Variants in NKX6-1 observed in about 807,000 individuals in gnomAD.
NKX6-1 encodes the protein NK6 homeobox 1, also known as homeobox protein Nkx-6.1.
Under a neutral mutation model 24.9 loss-of-function variants are expected in NKX6-1, and 11 were observed. The ratio of observed to expected loss-of-function variants is 0.44; its 90% CI spans 0.28 to 0.73. The LOEUF is 0.73. Ranked by LOEUF, NKX6-1 falls within the 30% of genes least tolerant of loss-of-function variation. The probability of loss-of-function intolerance (pLI) is 0.15; values close to 1 mark genes in which losing one functional copy is unlikely to be tolerated. For missense variants in NKX6-1, 487 were observed against 502.9 expected (o/e 0.97, Z 0.30); for synonymous variants, 277 against 242.9 (o/e 1.14, Z -1.31).
rs1720764676 is a variant in NKX6-1, at chr4:84,493,438, T to C, written c.955A>G (p.Asn319Asp). The C allele has an allele frequency of 2.5e-6, 4 of 1,614,120 alleles. No homozygotes were observed. Among genetic ancestry groups the C allele is most frequent in the Admixed American group, 1.7e-5 (1 of 60,012 alleles). ...ETERLKGASENEEEDDDYNKP... is the reference protein window; with the variant it reads ...ETERLKGASEDEEEDDDYNKP... ...TTGTAGTCGTCGTCCTCTTCCTCGT[T>C]CTCCGAGGCCCCCTTGAGGCGCTCT... The change falls in exon 3 of 3, where the codon AAC becomes GAC. Residue 319 changes from asparagine (N) to aspartate (D), a missense_variant. Around this residue, in one of 3 missense-constraint regions of NKX6-1, gnomAD observed 126 missense variants for 105.5 expected, o/e 1.19. Coordinates refer to ENST00000295886, the MANE Select transcript of NKX6-1 (RefSeq NM_006168.3). This position sits in a 1 kb window ranked among gnomAD's most constrained non-coding sequence, Gnocchi z 5.1.
rs1000630993 is a variant in NKX6-1, at chr4:84,497,311, G to A, written c.670+248C>T. 5.9e-5 allele frequency among the ~76,000 whole-genome samples: 9 copies of A among 152,220 alleles called. 1 individual carries two copies. The highest frequency in any genetic ancestry group is 2.2e-4 in the African/African-American group (9 of 41,530). On this transcript the variant is annotated intron_variant, in intron 1 of 2. Coordinates refer to ENST00000295886, the MANE Select transcript of NKX6-1 (RefSeq NM_006168.3). This position sits in a 1 kb window ranked among gnomAD's most constrained non-coding sequence, Gnocchi z 4.8. ...TGGTCCACACGAACACACACACACC[G>A]GCTCAGCCCAGGCGTACTCAAGACT... is the stretch of plus-strand genomic sequence containing the variant.
chr4:84,497,979 C>A lies in NKX6-1; in HGVS notation c.250G>T (p.Gly84Cys), dbSNP rs778617726. ...PPATGGLSSL[G>C]SPPQQLSAAT... ...GCCGAGAGCTGCTGCGGGGGGCTGCCGAGGGATGAGAGCCCCCCCGTGGCC... is the reference window on the plus strand; with the variant it reads ...GCCGAGAGCTGCTGCGGGGGGCTGCAGAGGGATGAGAGCCCCCCCGTGGCC... Residue 84 changes from glycine to cysteine, a missense_variant, in exon 1 of 3, where the codon GGC becomes TGC. Around this residue, in one of 3 missense-constraint regions of NKX6-1, gnomAD observed 316 missense variants for 311.4 expected, o/e 1.01. Coordinates refer to ENST00000295886, the MANE Select transcript of NKX6-1 (RefSeq NM_006168.3). The surrounding 1 kb of genome is among the most constrained non-coding windows in gnomAD (Gnocchi z 4.8). 1 of 1,294,854 alleles carries A rather than the reference C, an allele frequency of 7.7e-7. No individual in the cohort carries two copies. The allele number at this position is 1,294,854 out of a possible 1,614,324, so 80.2% of individuals were successfully genotyped here.
Position 84,498,233 on chromosome 4 carries a change from C to A in NKX6-1, c.-5G>T. 7.7e-7 allele frequency: 1 copy of A among 1,294,620 alleles called. No individual in the cohort carries two copies. The highest frequency in any genetic ancestry group is 9.8e-7 in the Non-Finnish European group (1 of 1,020,860). 80.2% of individuals were successfully genotyped at this position (1,294,620 alleles called of 1,614,324 possible). ...CATTGCCCCCACCGCTAACATCCCA[C>A]GGCCACGCCGGAGACCGTAGCCTTG... is the stretch of plus-strand genomic sequence containing the variant. On this transcript the variant is annotated 5_prime_UTR_variant, in exon 1 of 3. Transcript: ENST00000295886.
In NKX6-1 at chr4:84,497,330, CAA is replaced by C. The variant is rs1720840268; in HGVS notation, c.670+227_670+228del. ...CACACCGGCTCAGCCCAGGCGTACTCAAGACTTAGAGAGAGGGAGGCGCTTGG... is the reference window on the plus strand; with the variant it reads ...CACACCGGCTCAGCCCAGGCGTACTCGACTTAGAGAGAGGGAGGCGCTTGG... On this transcript the variant is annotated intron_variant, in intron 1 of 2. Transcript: ENST00000295886. The surrounding 1 kb of genome is among the most constrained non-coding windows in gnomAD (Gnocchi z 4.8). Among the ~76,000 whole-genome samples, 1 of 152,170 alleles carries C rather than the reference CAA, an allele frequency of 6.6e-6. No individual in the cohort carries two copies. The highest frequency in any genetic ancestry group is 1.5e-5 in the Non-Finnish European group (1 of 68,032).
rs574758436 is a variant in NKX6-1, at chr4:84,493,637, G to A, written c.844-88C>T. ...GGCCATGCTACCACTCCCGCATCTC[G>A]ATGGCCCTCCCGCGGCCCCCCGAAG... On this transcript the variant is annotated intron_variant, in intron 2 of 2. Coordinates refer to ENST00000295886, the MANE Select transcript of NKX6-1 (RefSeq NM_006168.3). This position sits in a 1 kb window ranked among gnomAD's most constrained non-coding sequence, Gnocchi z 5.1. 14 of 1,504,094 alleles carry A rather than the reference G, an allele frequency of 9.3e-6. No homozygotes were observed. The South Asian group carries it at 1.2e-4, about 13-fold the overall frequency. The allele number at this position is 1,504,094 out of a possible 1,614,324, so 93.2% of individuals were successfully genotyped here. A position where few individuals can be genotyped will look rare whatever the true frequency, so the allele number is the denominator to read the frequency against.
rs1332103927 is a variant in NKX6-1 at position 84,492,768 on chromosome 4, A to C, written c.*521T>G. 2.0e-5 allele frequency: 3 copies of C among 152,426 alleles called. No individual in the cohort carries two copies. Among genetic ancestry groups the C allele is most frequent in the Non-Finnish European group, 2.9e-5 (2 of 68,168 alleles). The allele number at this position is 152,426 out of a possible 1,614,324, so 9.4% of individuals were successfully genotyped here. A position where few individuals can be genotyped will look rare whatever the true frequency, so the allele number is the denominator to read the frequency against. The stretch of plus-strand genomic sequence containing the variant: ...TCAGTGTAACTCACGATTTATTTAC[A>C]AAGAGCCTTCAACAGGTTACTTTAG... On this transcript the variant is annotated 3_prime_UTR_variant, in exon 3 of 3. Coordinates refer to ENST00000295886, the MANE Select transcript of NKX6-1 (RefSeq NM_006168.3).
At chr4:84,495,476 G>A (rs1720798915) in intron 2 of NKX6-1, among the ~76,000 whole-genome samples, 196 bp downstream of exon 2, 2 of 152,098 alleles carry the variant, frequency 1.3e-5, no homozygotes, top group African/African-American at 2.4e-5. Flanking sequence ...GAGTTTGCCC[G>A]CCTGCAAGAC....
rs1720738302 is a variant in NKX6-1, at chr4:84,492,193, CTTCAAA to C, written c.*1090_*1095del. The C allele has an allele frequency of 6.6e-6, 1 of 152,160 alleles. No homozygotes were observed. Among genetic ancestry groups the C allele is most frequent in the African/African-American group, 2.4e-5 (1 of 41,424 alleles). The allele number at this position is 152,160 out of a possible 1,614,324, so 9.4% of individuals were successfully genotyped here. On this transcript the variant is annotated 3_prime_UTR_variant, in exon 3 of 3. Transcript: ENST00000295886. The stretch of plus-strand genomic sequence containing the variant: ...TATAGTATTCTTATGATACAAAACA[CTTCAAA>C]TTCAATTACAGTAACTAAATGAATT...
chr4:84,493,050 T>G lies in NKX6-1; in HGVS notation c.*239A>C. 82 of 310,782 alleles carry G rather than the reference T, an allele frequency of 2.6e-4. No homozygotes were observed. Among genetic ancestry groups the G allele is most frequent in the East Asian group, 4.9e-4 (9 of 18,514 alleles). 19.3% of individuals were successfully genotyped at this position (310,782 alleles called of 1,614,324 possible). ...TCAGTAGCGACATTTACGCAGTGCA[T>G]TTGGTGGTCTTTCTTGCCTTATCAA... is the stretch of plus-strand genomic sequence containing the variant. On this transcript the variant is annotated 3_prime_UTR_variant, in exon 3 of 3. Coordinates refer to ENST00000295886, the MANE Select transcript of NKX6-1 (RefSeq NM_006168.3). This position sits in a 1 kb window ranked among gnomAD's most constrained non-coding sequence, Gnocchi z 5.1.
intron 2 of NKX6-1, among the ~76,000 whole-genome samples, chr4:84,494,818 C>T (rs1180528149): frequency 6.6e-6 from 1 of 152,116 alleles, no homozygotes; most frequent in East Asian, 1.9e-4. Context: ...AACAGACTTA[C>T]ACCCCAAAGA....
chr4:84,497,800 AGCAGCCGCGGCGGCG>A lies in NKX6-1; in HGVS notation c.414_428del (p.Ala146_Ala150del), dbSNP rs1720851502. 4 of 1,267,826 alleles carry A rather than the reference AGCAGCCGCGGCGGCG, an allele frequency of 3.2e-6. No individual in the cohort carries two copies. Among genetic ancestry groups the A allele is most frequent in the Non-Finnish European group, 4.0e-6 (4 of 1,009,898 alleles). The allele number at this position is 1,267,826 out of a possible 1,614,324, so 78.5% of individuals were successfully genotyped here. A position where few individuals can be genotyped will look rare whatever the true frequency, so the allele number is the denominator to read the frequency against. On this transcript the variant is annotated inframe_deletion, in exon 1 of 3. Transcript: ENST00000295886. The surrounding 1 kb of genome is among the most constrained non-coding windows in gnomAD (Gnocchi z 4.8). ...ATGAGGCGGCGGCTGCGGCCGCGGC[AGCAGCCGCGGCGGCG>A]GCAGAGGCGGAGGAGGCAGAGGCGG...
intron 2 of NKX6-1, among the ~76,000 whole-genome samples, chr4:84,495,438 C>T (rs1267553065): frequency 6.6e-6 from 1 of 152,178 alleles, no homozygotes; most frequent in Non-Finnish European, 1.5e-5. Context: ...ATTTCAAAGG[C>T]GGGGACTTGA....
chr4:84,497,845 GGAA>G lies in NKX6-1; in HGVS notation c.381_383del (p.Ser130del). ...AGGCGGAGGAGGCAGAGGCGGACGA[GGAA>G]GAGGAGGAGGAGGAACCGGAGGGCG... On this transcript the variant is annotated inframe_deletion, in exon 1 of 3. Transcript: ENST00000295886. This position sits in a 1 kb window ranked among gnomAD's most constrained non-coding sequence, Gnocchi z 4.8. 1 of 1,272,350 alleles carries G rather than the reference GGAA, an allele frequency of 7.9e-7. No individual in the cohort carries two copies. Among genetic ancestry groups the G allele is most frequent in the Non-Finnish European group, 9.9e-7 (1 of 1,012,944 alleles). 78.8% of individuals were successfully genotyped at this position (1,272,350 alleles called of 1,614,324 possible). A position where few individuals can be genotyped will look rare whatever the true frequency, so the allele number is the denominator to read the frequency against.
Position 84,497,811 on chromosome 4 carries a change from C to A in NKX6-1, c.418G>T (p.Ala140Ser). The A allele has an allele frequency of 7.9e-7, 1 of 1,263,110 alleles. No homozygotes were observed. The highest frequency in any genetic ancestry group is 9.9e-7 in the Non-Finnish European group (1 of 1,006,148). 78.2% of individuals were successfully genotyped at this position (1,263,110 alleles called of 1,614,324 possible). ...SASASSASAA[A>S]AAAAAAAAAA... The stretch of plus-strand genomic sequence containing the variant: ...GCTGCGGCCGCGGCAGCAGCCGCGG[C>A]GGCGGCAGAGGCGGAGGAGGCAGAG... Residue 140 changes from alanine to serine, a missense_variant, in exon 1 of 3, where the codon GCC becomes TCC. By Grantham distance (99) the Ala-to-Ser change is moderately conservative. This residue lies in a region of NKX6-1 where 316 missense variants were observed against 311.4 expected (regional missense o/e 1.01). Coordinates refer to ENST00000295886, the MANE Select transcript of NKX6-1 (RefSeq NM_006168.3). The surrounding 1 kb of genome is among the most constrained non-coding windows in gnomAD (Gnocchi z 4.8).
At chr4:84,496,309 C>T (rs1190923610) in intron 1 of NKX6-1, among the ~76,000 whole-genome samples, 3 of 151,774 alleles carry the variant, frequency 2.0e-5, no homozygotes, top group Non-Finnish European at 4.4e-5. Context: ...CTTGTTTTTG[C>T]ACACAAGAGA....
chr4:84,497,906 G>A lies in NKX6-1; in HGVS notation c.323C>T (p.Pro108Leu). ...GGGCAGGGCGGCCCCCGAGGCCACG[G>A]GCATGGAGGGCCGGCTCAGGATATC... ...INDILSRPSM[P>L]VASGAALPSA... The change falls in exon 1 of 3, where the codon CCC becomes CTC. Residue 108 changes from proline (P) to leucine (L), a missense_variant. Physicochemically the swap from Pro to Leu is moderately conservative, Grantham distance 98. Around this residue, in one of 3 missense-constraint regions of NKX6-1, gnomAD observed 316 missense variants for 311.4 expected, o/e 1.01. Transcript: ENST00000295886. The surrounding 1 kb of genome is among the most constrained non-coding windows in gnomAD (Gnocchi z 4.8). The A allele has an allele frequency of 2.3e-6, 3 of 1,295,550 alleles. No individual in the cohort carries two copies. Among genetic ancestry groups the A allele is most frequent in the African/African-American group, 1.5e-5 (1 of 66,074 alleles). 80.3% of individuals were successfully genotyped at this position (1,295,550 alleles called of 1,614,324 possible).
Position 84,497,185 on chromosome 4 carries a change from T to C in NKX6-1, c.670+374A>G, listed in dbSNP as rs1254618831. 6.6e-6 allele frequency among the ~76,000 whole-genome samples: 1 copy of C among 151,906 alleles called. No individual in the cohort carries two copies. Among genetic ancestry groups the C allele is most frequent in the African/African-American group, 2.4e-5 (1 of 41,362 alleles). On this transcript the variant is annotated intron_variant, in intron 1 of 2. Transcript: ENST00000295886. This position sits in a 1 kb window ranked among gnomAD's most constrained non-coding sequence, Gnocchi z 4.8. ...AGATGCAGTGGCCTCTCCTCCCCTC[T>C]CCTCCCCATCTTTCTAATCCAGGCC...
In NKX6-1 at chr4:84,498,071, G is replaced by A. The variant is rs765440209; in HGVS notation, c.158C>T (p.Ser53Leu). ...GGAGGGCGACGAGGAGGACGACGAC[G>A]AGGACGAGGAGGAGGGGGGGCCGGC... ...LPAGPPSSSS[S>L]SSSSSSPSPP... The change falls in exon 1 of 3, where the codon TCG becomes TTG. Residue 53 changes from serine to leucine, a missense_variant. Transcript: ENST00000295886. The A allele has an allele frequency of 2.4e-6, 3 of 1,250,420 alleles. No individual in the cohort carries two copies. Among genetic ancestry groups the A allele is most frequent in the Non-Finnish European group, 3.0e-6 (3 of 996,272 alleles). 77.5% of individuals were successfully genotyped at this position (1,250,420 alleles called of 1,614,324 possible).
rs1339504762 is a variant in NKX6-1, at chr4:84,492,623, G to C, written c.*666C>G. 1 of 152,222 alleles carries C rather than the reference G, an allele frequency of 6.6e-6. No homozygotes were observed. Among genetic ancestry groups the C allele is most frequent in the Non-Finnish European group, 1.5e-5 (1 of 68,030 alleles). The allele number at this position is 152,222 out of a possible 1,614,324, so 9.4% of individuals were successfully genotyped here. ...CTCAAATTAAGTTCAAAATAAAAGG[G>C]AAGGTGTGGCTTGAGTCGCTCTTCA... On this transcript the variant is annotated 3_prime_UTR_variant, in exon 3 of 3. Coordinates refer to ENST00000295886, the MANE Select transcript of NKX6-1 (RefSeq NM_006168.3).
Sources: gnomAD v4.1 joint callset for allele counts (sites outside exome capture counted in the v4.1 genomes callset) on GRCh38, gnomAD v4.1.1 for gene constraint, gnomAD v4.1.1 regional missense constraint, Gnocchi (gnomAD v3.1) non-coding constraint, MANE v1.5 for transcripts, NCBI Gene and HGNC (gene_info 2026-07-23, HGNC 2026-07-21) for gene names.